Variants in PPP3R1 observed in about 807,000 individuals in gnomAD.
PPP3R1 encodes calcineurin subunit B type 1.
In PPP3R1, 5 loss-of-function variants were observed where a neutral mutation model predicts 22.6. The ratio of observed to expected loss-of-function variants is 0.22; its 90% confidence interval spans 0.12 to 0.46. The LOEUF (loss-of-function observed/expected upper bound fraction) is 0.46, where lower values mean the gene tolerates loss of function less well. PPP3R1 is among the 20% of genes least tolerant of loss of function. The pLI is 0.99. For synonymous variants in PPP3R1, 56 were observed against 65.2 expected, an observed-to-expected ratio of 0.86 and a Z score of 0.68; for missense variants, 61 against 203.2, an observed-to-expected ratio of 0.30 and a Z score of 4.25.
rs555218722 is a variant in PPP3R1, at chr2:68,186,937, T to C, written c.281-285A>G. 4.2e-3 allele frequency among the ~76,000 whole-genome samples: 640 copies of C among 152,300 alleles called. 3 individuals carry two copies. Among genetic ancestry groups the C allele is most frequent in the Middle Eastern group, 6.8e-3 (2 of 294 alleles). On this transcript the variant is annotated intron_variant, in intron 4 of 5. Coordinates refer to ENST00000234310, the MANE Select transcript of PPP3R1 (RefSeq NM_000945.4). Reference sequence around the variant, plus strand: ...ACTGGATATAGTAACAACTCCAACCTCTCCGGTTCTTTAGAACATTTCTTC... The same window carrying C: ...ACTGGATATAGTAACAACTCCAACCCCTCCGGTTCTTTAGAACATTTCTTC...
intron 2 of PPP3R1, among the ~76,000 whole-genome samples, chr2:68,205,989 T>A (rs1042503528): frequency 2.0e-5 from 3 of 152,156 alleles, no homozygotes; most frequent in Non-Finnish European, 4.4e-5. Context: ...CGGCTAATTT[T>A]GTATTTTTAG....
At chr2:68,188,783 A>G (rs896454980) in intron 2 of PPP3R1, 93 bp from the exon 3 acceptor site, 1 of 1,166,856 alleles carries the variant, frequency 8.6e-7, no homozygotes, top group East Asian at 2.6e-5. Context: ...AAAAATTTTA[A>G]TAGTTATAGG....
rs200421732 is a variant in PPP3R1, at chr2:68,213,199, TA to T, written c.43+3892del. 6.8e-3 allele frequency among the ~76,000 whole-genome samples: 1,035 copies of T among 152,398 alleles called. 6 individuals carry two copies. Among genetic ancestry groups the T allele is most frequent in the African/African-American group, 0.024 (996 of 41,602 alleles). On this transcript the variant is annotated intron_variant, in intron 2 of 5. Coordinates refer to ENST00000234310, the MANE Select transcript of PPP3R1 (RefSeq NM_000945.4). ...TTTTCCTTTGCATTCATGTCTTGGC[TA>T]ATTGTGTGGCACAGGAGGCCTAGCT...
At chr2:68,218,549 T>A (rs1220029979) in intron 1 of PPP3R1, among the ~76,000 whole-genome samples, 3 of 152,102 alleles carry the variant, frequency 2.0e-5, no homozygotes, top group Non-Finnish European at 4.4e-5. Flanking sequence ...ATTACTTAAT[T>A]GATCTTAATA....
intron 1 of PPP3R1, among the ~76,000 whole-genome samples, chr2:68,244,464 A>AT (rs1670195427): frequency 6.6e-6 from 1 of 152,198 alleles, no homozygotes; most frequent in Non-Finnish European, 1.5e-5. Context: ...TTATCCTGAG[A>AT]TACTAAGATG....
At chr2:68,244,247 T>C (rs1365674995) in intron 1 of PPP3R1, among the ~76,000 whole-genome samples, 3 of 152,194 alleles carry the variant, frequency 2.0e-5, no homozygotes, top group Non-Finnish European at 4.4e-5. Context: ...ACCCCTGTTT[T>C]CTAGATTTAT....
At chr2:68,200,594 G>A (rs1223752383) in intron 2 of PPP3R1, among the ~76,000 whole-genome samples, 2 of 152,154 alleles carry the variant, frequency 1.3e-5, no homozygotes, top group Non-Finnish European at 2.9e-5. Context: ...TAAGCTGCTC[G>A]ATGTTATAAA....
intron 2 of PPP3R1, among the ~76,000 whole-genome samples, chr2:68,204,667 G>A (rs1400365129): frequency 6.6e-6 from 1 of 152,254 alleles, no homozygotes; most frequent in East Asian, 1.9e-4. Flanking sequence ...TATGTAAAAC[G>A]CTTAGAATAA....
At chr2:68,240,371 CAG>C (rs921831027) in intron 1 of PPP3R1, among the ~76,000 whole-genome samples, 1 of 152,200 alleles carries the variant, frequency 6.6e-6, no homozygotes, top group African/African-American at 2.4e-5. Flanking sequence ...ATCCCATACG[CAG>C]AGTTTTCTTT....
chr2:68,184,148 G>A (rs1295659658), intron 5 of PPP3R1, among the ~76,000 whole-genome samples: 1 of 152,174 alleles, frequency 6.6e-6, no homozygotes, highest in Non-Finnish European at 1.5e-5. Flanking sequence ...GCTGTCCAGG[G>A]GAACAGAGTA....
chr2:68,222,226 G>A (rs1459811635), intron 1 of PPP3R1, among the ~76,000 whole-genome samples: 1 of 152,138 alleles, frequency 6.6e-6, no homozygotes, highest in Non-Finnish European at 1.5e-5. Context: ...ATCTTACACT[G>A]TAAGAGAAAC....
At chr2:68,213,572 T>C (rs1395201797) in intron 2 of PPP3R1, among the ~76,000 whole-genome samples, 2 of 152,248 alleles carry the variant, frequency 1.3e-5, no homozygotes, top group East Asian at 3.9e-4. Flanking sequence ...AATGAAAAGG[T>C]ATGAAATACT....
rs570020591 is a variant in PPP3R1 at position 68,179,468 on chromosome 2, A to AG, written c.*1494dup. ...CCCATGATGTGCAGCACTCAGTTGA[A>AG]GGAACAGCGATGGCAGGCAGGTGTG... On this transcript the variant is annotated 3_prime_UTR_variant, in exon 6 of 6. Coordinates refer to ENST00000234310, the MANE Select transcript of PPP3R1 (RefSeq NM_000945.4). 1 of 152,446 alleles carries AG rather than the reference A, an allele frequency of 6.6e-6. No homozygotes were observed. Among genetic ancestry groups the AG allele is most frequent in the South Asian group, 2.1e-4 (1 of 4,830 alleles). The allele number at this position is 152,446 out of a possible 1,614,324, so 9.4% of individuals were successfully genotyped here.
At chr2:68,222,494 C>T (rs974822886) in intron 1 of PPP3R1, among the ~76,000 whole-genome samples, 1 of 152,182 alleles carries the variant, frequency 6.6e-6, no homozygotes, top group Non-Finnish European at 1.5e-5. Flanking sequence ...TCCATCTGTC[C>T]AGCACCTAAA....
At chr2:68,202,999 TG>T (rs1327353009) in intron 2 of PPP3R1, among the ~76,000 whole-genome samples, 1 of 152,018 alleles carries the variant, frequency 6.6e-6, no homozygotes, top group Non-Finnish European at 1.5e-5. Context: ...AAAAACCGTC[TG>T]TAACACTAAA....
At chr2:68,196,359 A>T (rs1184100587) in intron 2 of PPP3R1, among the ~76,000 whole-genome samples, 1 of 152,140 alleles carries the variant, frequency 6.6e-6, no homozygotes, top group African/African-American at 2.4e-5. Flanking sequence ...GCTCCAAAAA[A>T]ATTTTCCAGT....
chr2:68,188,756 A>G, intron 2 of PPP3R1, 66 bp from the exon 3 acceptor site: 1 of 1,409,138 alleles, frequency 7.1e-7, no homozygotes, highest in South Asian at 1.6e-5. Context: ...TCTAATGGGC[A>G]GTAGCAAGAT....
chr2:68,229,071 T>G (rs1461408424), intron 1 of PPP3R1, among the ~76,000 whole-genome samples: 1 of 152,074 alleles, frequency 6.6e-6, no homozygotes, highest in Non-Finnish European at 1.5e-5. Context: ...TCAGCTTGAG[T>G]GTAGTGGCAT....
At chr2:68,234,954 G>C (rs999749929) in intron 1 of PPP3R1, among the ~76,000 whole-genome samples, 1 of 152,176 alleles carries the variant, frequency 6.6e-6, no homozygotes, top group Non-Finnish European at 1.5e-5. Flanking sequence ...CTAAAGGTTA[G>C]TAAAATGGAG....
Sources: allele counts gnomAD v4.1 joint callset (sites outside exome capture counted in the v4.1 genomes callset), GRCh38; gene constraint gnomAD v4.1.1; transcripts MANE v1.5; gene names NCBI Gene and HGNC (gene_info 2026-07-23, HGNC 2026-07-21).